CDH2: variants seen among roughly 807,000 people sequenced by gnomAD.
The protein encoded by CDH2 is cadherin-2.
Under a neutral mutation model 92.0 loss-of-function variants are expected in CDH2, and 17 were observed. The observed-to-expected ratio is 0.18, with a 90% CI of 0.13 to 0.28. The LOEUF (loss-of-function observed/expected upper bound fraction) is 0.28, where lower values mean the gene tolerates loss of function less well. CDH2 is among the 10% of genes least tolerant of loss of function. The pLI is 1.00. For synonymous variants in CDH2, 419 were observed against 415.9 expected (o/e 1.01, Z -0.09); for missense variants, 862 against 1,133.1 (o/e 0.76, Z 3.44).
intron 8 of CDH2, among the ~76,000 whole-genome samples, chr18:27,993,263 C>T (rs940612087): frequency 5.3e-5 from 8 of 152,164 alleles, no homozygotes; most frequent in South Asian, 2.1e-4. Context: ...CTTTTTAGGA[C>T]GTGTTTTCCA....
chr18:28,059,532 A>T (rs1207540786), intron 2 of CDH2, among the ~76,000 whole-genome samples: 1 of 152,168 alleles, frequency 6.6e-6, no homozygotes, highest in African/African-American at 2.4e-5. Context: ...TAAGATTATA[A>T]CCAATTAAAC....
At chr18:28,170,214 G>A (rs2016443917) in intron 1 of CDH2, among the ~76,000 whole-genome samples, 1 of 152,134 alleles carries the variant, frequency 6.6e-6, no homozygotes, top group African/African-American at 2.4e-5. Context: ...GTTAGTTTAG[G>A]TTATCTTCAT....
At chr18:28,130,523 T>C (rs555708868) in intron 2 of CDH2, among the ~76,000 whole-genome samples, 2 of 152,356 alleles carry the variant, frequency 1.3e-5, no homozygotes, top group South Asian at 2.1e-4. Flanking sequence ...CATAGGTATA[T>C]ATCCACTCCA....
intron 2 of CDH2, among the ~76,000 whole-genome samples, chr18:28,063,816 A>G (rs1169978879): frequency 6.6e-6 from 1 of 152,206 alleles, no homozygotes; most frequent in African/African-American, 2.4e-5. Context: ...ATCCTCTTTC[A>G]TGCTTCAGAA....
At chr18:28,077,686 T>G (rs763169274) in intron 2 of CDH2, among the ~76,000 whole-genome samples, 2 of 151,782 alleles carry the variant, frequency 1.3e-5, no homozygotes, top group Non-Finnish European at 2.9e-5. Context: ...AGGTCAGGAT[T>G]TTGAGACCAG....
Position 28,056,075 on chromosome 18 carries a change from ATTT to A in CDH2, c.173-42169_173-42167del, listed in dbSNP as rs35738385. On this transcript the variant is annotated intron_variant, in intron 2 of 15. Coordinates refer to ENST00000269141, the MANE Select transcript of CDH2 (RefSeq NM_001792.5). ...TAAGTGAAGCTATGAGGTATAAAAGATTTTTTTTTTTTTAAGAGAAAAAGAGTA... is the reference window on the plus strand; with the variant it reads ...TAAGTGAAGCTATGAGGTATAAAAGATTTTTTTTTTAAGAGAAAAAGAGTA... 8.9e-4 allele frequency among the ~76,000 whole-genome samples: 131 copies of A among 147,798 alleles called. 1 individual carries two copies. In the South Asian group the frequency reaches 0.02, roughly 23 times the overall value.
chr18:27,945,708 C>G (rs1227257980), intron 6 of CDH2, among the ~76,000 whole-genome samples: 2 of 152,040 alleles, frequency 1.3e-5, no homozygotes, highest in Non-Finnish European at 2.9e-5. Context: ...TGGGAACAAC[C>G]AGTGAGAGCC....
intron 1 of CDH2, among the ~76,000 whole-genome samples, chr18:28,176,539 G>A (rs1028047385): frequency 3.9e-5 from 6 of 152,162 alleles, no homozygotes; most frequent in Admixed American, 1.3e-4. Context: ...AATTCCTACT[G>A]TAAACTCGCG....
At chr18:28,012,227 G>T (rs2144034997) in intron 3 of CDH2, among the ~76,000 whole-genome samples, 1 of 152,234 alleles carries the variant, frequency 6.6e-6, no homozygotes, top group Non-Finnish European at 1.5e-5. Context: ...ATATGGCACA[G>T]CTGTGTAAAC....
intron 10 of CDH2, among the ~76,000 whole-genome samples, chr18:27,989,222 C>G (rs139202325): frequency 6.6e-6 from 1 of 152,162 alleles, no homozygotes; most frequent in East Asian, 1.9e-4. Flanking sequence ...GAAAGTCCTA[C>G]AGTCTTGAGT....
chr18:27,977,809 T>C (rs1599004123), intron 14 of CDH2, among the ~76,000 whole-genome samples: 1 of 152,130 alleles, frequency 6.6e-6, no homozygotes, highest in East Asian at 1.9e-4. Flanking sequence ...ATGAAGCAGA[T>C]CAGACCAGCA....
chr18:28,162,918 T>C (rs1045516990), intron 1 of CDH2, among the ~76,000 whole-genome samples: 7 of 152,194 alleles, frequency 4.6e-5, no homozygotes, highest in South Asian at 4.1e-4. Context: ...GCCTGGCTCA[T>C]AGTAAGCACT....
chr18:28,057,118 GTATAAA>G (rs1245016126), intron 2 of CDH2, among the ~76,000 whole-genome samples: 1 of 152,120 alleles, frequency 6.6e-6, no homozygotes, highest in Non-Finnish European at 1.5e-5. Flanking sequence ...TCCTGAGCAA[GTATAAA>G]TATTTCATCT....
At chr18:28,059,049 C>A (rs1599068990) in intron 2 of CDH2, among the ~76,000 whole-genome samples, 2 of 152,298 alleles carry the variant, frequency 1.3e-5, no homozygotes, top group South Asian at 4.1e-4. Context: ...TGCTAAGGCA[C>A]TAACTCCAAA....
intron 2 of CDH2, among the ~76,000 whole-genome samples, chr18:28,033,032 G>T (rs2013737247): frequency 6.6e-6 from 1 of 152,066 alleles, no homozygotes; most frequent in South Asian, 2.1e-4. Context: ...AGGGAGAAAG[G>T]GAAATAACTG....
rs2016390304 is a variant in CDH2 at position 28,166,646 on chromosome 18, AT to A, written c.60+10316del. Among the ~76,000 whole-genome samples the A allele has an allele frequency of 2.6e-5, 4 of 152,298 alleles. No homozygotes were observed. In the South Asian group the frequency reaches 8.3e-4, roughly 32 times the overall value. On this transcript the variant is annotated intron_variant, in intron 1 of 15. Transcript: ENST00000269141. ...AGAGGCAAAAGCAAGTGAAATACAA[AT>A]TATCTATCAATAAGCTAAGGCCACA...
intron 13 of CDH2, among the ~76,000 whole-genome samples, chr18:27,983,922 T>C (rs186237703): frequency 1.3e-5 from 2 of 152,308 alleles, no homozygotes; most frequent in Non-Finnish European, 2.9e-5. Flanking sequence ...GGGGTATCAG[T>C]TTACATCCTG....
chr18:28,168,036 G>A (rs1568025087), intron 1 of CDH2, among the ~76,000 whole-genome samples: 1 of 152,128 alleles, frequency 6.6e-6, no homozygotes, highest in Non-Finnish European at 1.5e-5. Flanking sequence ...TCACAGTTTC[G>A]AGTTTATTAA....
chr18:28,136,015 A>T (rs1463997546), intron 2 of CDH2, among the ~76,000 whole-genome samples: 2 of 152,242 alleles, frequency 1.3e-5, no homozygotes, highest in African/African-American at 4.8e-5. Context: ...GAATGTACAG[A>T]ATATAAAGAC....
Sources: allele counts gnomAD v4.1 joint callset (sites outside exome capture counted in the v4.1 genomes callset), GRCh38; gene constraint gnomAD v4.1.1; transcripts MANE v1.5; gene names NCBI Gene and HGNC (gene_info 2026-07-23, HGNC 2026-07-21).